Variants in RNPC3 observed in about 807,000 individuals in gnomAD.
RNPC3 encodes RNA-binding region-containing protein 3.
RNPC3 carries 48 observed loss-of-function variants against 67.5 expected under a neutral mutation model. That is an observed-to-expected ratio of 0.71 (90% CI 0.56 to 0.90). The LOEUF (loss-of-function observed/expected upper bound fraction) is 0.90, where lower values mean the gene tolerates loss of function less well. Among genes scored for constraint, RNPC3 ranks in the 40% least tolerant of loss-of-function variants. The probability of loss-of-function intolerance (pLI) is 0.00; values close to 1 mark genes in which losing one functional copy is unlikely to be tolerated. For missense variants in RNPC3, 637 were observed against 626.1 expected, an observed-to-expected ratio of 1.02 and a Z score of -0.19; for synonymous variants, 239 against 210.3, an observed-to-expected ratio of 1.14 and a Z score of -1.18.
chr1:103,551,023 G>T lies in RNPC3; in HGVS notation c.1444G>T (p.Ala482Ser), dbSNP rs925454058. The change falls in exon 13 of 15, where the codon GCC (alanine) becomes TCC (serine). Residue 482 changes from alanine (A) to serine (S), a missense_variant. Ala to Ser is a moderately conservative substitution (Grantham distance 99). Coordinates refer to ENST00000423855, the MANE Select transcript of RNPC3 (RefSeq NM_017619.4). ...TCCTAATGAAAAAGCAGCAGCAAAA[G>T]CCTTAAAGGAAGCTAATGGATATGT... The part of the protein sequence containing the change: ...GLPNEKAAAK[A>S]LKEANGYVLF... 1.9e-6 allele frequency: 3 copies of T among 1,612,612 alleles called. No individual in the cohort carries two copies. The highest frequency in any genetic ancestry group is 2.5e-6 in the Non-Finnish European group (3 of 1,179,622).
chr1:103,551,309 T>TA (rs1365797913), intron 13 of RNPC3: 2 of 464,948 alleles, frequency 4.3e-6, no homozygotes, highest in East Asian at 7.4e-5. Flanking sequence ...ATGTTTCACT[T>TA]ATGCAGCTCA....
At chr1:103,552,435 A>G (rs572047064) in intron 14 of RNPC3, 2 of 24,446 alleles carry the variant, frequency 8.2e-5, no homozygotes, top group African/African-American at 3.9e-4. Context: ...AAATGTTAAA[A>G]TAAAAGTTAA....
rs1329255129 is a variant in RNPC3 at position 103,546,333 on chromosome 1, TCAAGAA to T, written c.1294_1299del (p.Gln432_Glu433del). On this transcript the variant is annotated inframe_deletion, in exon 11 of 15. Transcript: ENST00000423855. ...ATGTAAAGAATTTAGCTAAACATGTTCAAGAAAAGGTAGGTATAAATTGATTTTTTT... is the reference window on the plus strand; with the variant it reads ...ATGTAAAGAATTTAGCTAAACATGTTAAGGTAGGTATAAATTGATTTTTTT... The T allele has an allele frequency of 7.0e-6, 10 of 1,428,352 alleles. No homozygotes were observed. The highest frequency in any genetic ancestry group is 9.3e-6 in the Non-Finnish European group (10 of 1,078,972). The allele number at this position is 1,428,352 out of a possible 1,614,324, so 88.5% of individuals were successfully genotyped here.
intron 8 of RNPC3, among the ~76,000 whole-genome samples, chr1:103,542,149 G>T (rs1374845056): frequency 1.3e-5 from 2 of 151,938 alleles, no homozygotes; most frequent in African/African-American, 4.8e-5. Flanking sequence ...TATTGCATTA[G>T]CAATTATAAT....
Position 103,543,407 on chromosome 1 carries a change from A to G in RNPC3, c.1005A>G (p.Lys335=), listed in dbSNP as rs1651171474. 6.6e-7 allele frequency: 1 copy of G among 1,518,112 alleles called. No homozygotes were observed. The highest frequency in any genetic ancestry group is 2.1e-5 in the Admixed American group (1 of 47,240). 94.0% of individuals were successfully genotyped at this position (1,518,112 alleles called of 1,614,324 possible). Residue 335 remains lysine (K), a synonymous_variant, in exon 9 of 15, where the codon AAA becomes AAG. Transcript: ENST00000423855. ...ISTDMPAAFK[K]DLEKEQNCEE... The stretch of plus-strand genomic sequence containing the variant: ...CCGACATGCCAGCTGCATTTAAGAA[A>G]GATTTAGAAAAGGAACAAAATTGTG...
In RNPC3 at chr1:103,547,053, A is replaced by T; in HGVS notation, c.1361+18A>T. ...CGGATCATGTAAGTGACAGTAAAAT[A>T]CAATCTTCAATTATATTTTGTTTTT... On this transcript the variant is annotated intron_variant, in intron 12 of 14. Transcript: ENST00000423855. The T allele has an allele frequency of 7.2e-7, 1 of 1,391,404 alleles. No individual in the cohort carries two copies. Among genetic ancestry groups the T allele is most frequent in the Non-Finnish European group, 9.7e-7 (1 of 1,036,000 alleles). The allele number at this position is 1,391,404 out of a possible 1,614,324, so 86.2% of individuals were successfully genotyped here. A position where few individuals can be genotyped will look rare whatever the true frequency, so the allele number is the denominator to read the frequency against.
intron 13 of RNPC3, among the ~76,000 whole-genome samples, chr1:103,551,457 A>C (rs1330370656): frequency 2.0e-5 from 3 of 152,188 alleles, no homozygotes; most frequent in African/African-American, 7.2e-5. Context: ...ATCATTGATT[A>C]ACCATCTTGC....
Position 103,546,256 on chromosome 1 carries a change from A to T in RNPC3, c.1216A>T (p.Thr406Ser). The change falls in exon 11 of 15, where the codon ACA (threonine) becomes TCA (serine). Residue 406 changes from threonine to serine, a missense_variant. Thr to Ser is a moderately conservative substitution (Grantham distance 58). Transcript: ENST00000423855. ...TTTTGTTTTTTAATAAGAAATGGAA[A>T]CACTTTCAGTTTTCAGAAGTTATGA... is the stretch of plus-strand genomic sequence containing the variant. ...KGRISREEME[T>S]LSVFRSYEPG... The T allele has an allele frequency of 1.4e-6, 2 of 1,383,572 alleles. No homozygotes were observed. The highest frequency in any genetic ancestry group is 3.3e-5 in the South Asian group (2 of 61,174). The allele number at this position is 1,383,572 out of a possible 1,614,324, so 85.7% of individuals were successfully genotyped here.
chr1:103,546,434 G>A, intron 11 of RNPC3, 92 bp downstream of exon 11: 1 of 580,796 alleles, frequency 1.7e-6, no homozygotes, highest in Non-Finnish European at 2.8e-6. Context: ...CTACCTTTAA[G>A]AATGTGGTTT....
chr1:103,552,425 A>C (rs1570629235), intron 14 of RNPC3: 2 of 90,978 alleles, frequency 2.2e-5, no homozygotes, highest in Admixed American at 2.9e-4. Context: ...AACCTAAAGT[A>C]AATGTTAAAA....
At chr1:103,526,358 A>C in intron 1 of RNPC3, 96 bp downstream of exon 1, 1 of 1,019,912 alleles carries the variant, frequency 9.8e-7, no homozygotes, top group Non-Finnish European at 1.4e-6. Flanking sequence ...ACGAGTGGGG[A>C]AGATGGACTT....
At chr1:103,551,665 AT>A in intron 13 of RNPC3, 55 bp from the exon 14 acceptor site, 1 of 1,161,428 alleles carries the variant, frequency 8.6e-7, no homozygotes, top group Non-Finnish European at 1.2e-6. Context: ...TTTGAGAATT[AT>A]TTAGAAAAGA....
chr1:103,549,934 G>C (rs912176444), intron 12 of RNPC3, among the ~76,000 whole-genome samples: 14 of 141,424 alleles, frequency 9.9e-5, no homozygotes, highest in Non-Finnish European at 7.6e-5. Flanking sequence ...AGGCCGAAGC[G>C]GGGGGGATCA....
At chr1:103,533,977 G>T (rs1385062904) in intron 3 of RNPC3, 120 bp downstream of exon 3, 12 of 641,602 alleles carry the variant, frequency 1.9e-5, no homozygotes, top group Non-Finnish European at 1.4e-5. Flanking sequence ...AGGAATGACA[G>T]ATTTTTCCAT....
At chr1:103,545,182 C>G in intron 10 of RNPC3, 80 bp downstream of exon 10, 1 of 1,140,826 alleles carries the variant, frequency 8.8e-7, no homozygotes, top group Non-Finnish European at 1.2e-6. Context: ...ATCTGTCATG[C>G]CATTTACCTT....
chr1:103,535,360 G>C lies in RNPC3; in HGVS notation c.474G>C (p.Lys158Asn). The change falls in exon 5 of 15, where the codon AAG becomes AAC. Residue 158 changes from lysine to asparagine, a missense_variant. Lys to Asn is a moderately conservative substitution (Grantham distance 94). Around this residue, in one of 3 missense-constraint regions of RNPC3, gnomAD observed 536 missense variants for 500.3 expected, o/e 1.07. Coordinates refer to ENST00000423855, the MANE Select transcript of RNPC3 (RefSeq NM_017619.4). ...GLTFPLNSCL[K>N]YMYPPPSSTI... ...CTTTTCCTTTAAATTCATGCCTCAA[G>C]TATATGTACCCACCACCTTCCAGCA... The C allele has an allele frequency of 1.3e-6, 2 of 1,535,570 alleles. No homozygotes were observed. The highest frequency in any genetic ancestry group is 1.7e-6 in the Non-Finnish European group (2 of 1,145,676).
chr1:103,543,115 A>G (rs1224725902), intron 8 of RNPC3, among the ~76,000 whole-genome samples, 181 bp from the exon 9 acceptor site: 1 of 151,796 alleles, frequency 6.6e-6, no homozygotes, highest in East Asian at 1.9e-4. Flanking sequence ...AGTAGTACCT[A>G]TATTAGAGCA....
rs993267520 is a variant in RNPC3, at chr1:103,534,778, G to A, written c.364G>A (p.Asp122Asn). ...CTTTGATTCTGTATGTCCCAGGTCT[G>A]ATGACCCTGTCGAAGATGATAAAGA... ...TSGSEKKKRS[D>N]DPVEDDKEKK... The change falls in exon 4 of 15, where the codon GAT becomes AAT. Residue 122 changes from aspartate (D) to asparagine (N), a missense_variant. Asp to Asn is a conservative substitution (Grantham distance 23, BLOSUM62 1). Coordinates refer to ENST00000423855, the MANE Select transcript of RNPC3 (RefSeq NM_017619.4). 2.6e-6 allele frequency: 4 copies of A among 1,523,302 alleles called. No individual in the cohort carries two copies. In the Admixed American group the frequency reaches 8.0e-5, roughly 31 times the overall value. The allele number at this position is 1,523,302 out of a possible 1,614,324, so 94.4% of individuals were successfully genotyped here.
chr1:103,536,057 T>C (rs1188989102), intron 5 of RNPC3, 69 bp from the exon 6 acceptor site: 1 of 1,167,574 alleles, frequency 8.6e-7, no homozygotes, highest in Non-Finnish European at 1.2e-6. Flanking sequence ...CAAAGTTTCT[T>C]AGTACATAAA....
Sources: allele counts gnomAD v4.1 joint callset (sites outside exome capture counted in the v4.1 genomes callset), GRCh38; gene constraint gnomAD v4.1.1; regional missense constraint gnomAD v4.1.1; transcripts MANE v1.5; gene names NCBI Gene and HGNC (gene_info 2026-07-23, HGNC 2026-07-21).